The following PARN variants were observed in gnomAD, a reference collection of about 807,000 sequenced individuals.
The protein encoded by PARN is poly(A)-specific ribonuclease.
A neutral mutation model predicts 102.8 loss-of-function variants in PARN; 71 were observed. The ratio of observed to expected loss-of-function variants is 0.69; its 90% confidence interval spans 0.57 to 0.84. PARN has a LOEUF of 0.84. Among genes scored for constraint, PARN ranks in the 40% least tolerant of loss-of-function variants. The pLI, the probability that PARN is intolerant of heterozygous loss-of-function variation, is 0.00. For synonymous variants in PARN, 261 were observed against 252.9 expected (o/e 1.03, Z -0.30); for missense variants, 782 against 760.9 (o/e 1.03, Z -0.33).
At position 14,629,618 on chromosome 16, in the gene PARN, C is replaced by A; in HGVS notation, c.76G>T (p.Ala26Ser). The change falls in exon 2 of 24, where the codon GCC (alanine) becomes TCC (serine). Residue 26 changes from alanine (A) to serine (S), a missense_variant. Transcript: ENST00000437198. ...ATACCTGAAAACTCCCCATCGATGG[C>A]GAAGAAGTCGGCCTCCTCTATGGCC... ...YQAIEEADFF[A>S]IDGEFSGISD... 6.2e-7 allele frequency: 1 copy of A among 1,613,154 alleles called. No homozygotes were observed. Among genetic ancestry groups the A allele is most frequent in the African/African-American group, 1.3e-5 (1 of 75,028 alleles).
rs1353268463 is a variant in PARN at position 14,436,485 on chromosome 16, T to C, written c.*232A>G. 1.7e-6 allele frequency: 1 copy of C among 579,034 alleles called. No homozygotes were observed. The highest frequency in any genetic ancestry group is 1.9e-5 in the African/African-American group (1 of 53,474). The allele number at this position is 579,034 out of a possible 1,614,324, so 35.9% of individuals were successfully genotyped here. ...CACTGGTTAAGCACGTACACATTCA[T>C]GACAGCCTACAACCGTGATGAGTGT... On this transcript the variant is annotated 3_prime_UTR_variant, in exon 24 of 24. Coordinates refer to ENST00000437198, the MANE Select transcript of PARN (RefSeq NM_002582.4).
intron 22 of PARN, among the ~76,000 whole-genome samples, chr16:14,464,872 CA>C (rs906718594): frequency 6.6e-6 from 1 of 151,968 alleles, no homozygotes; most frequent in African/African-American, 2.4e-5. Context: ...GTCTGGGCAA[CA>C]TAGTGATACC....
At chr16:14,580,978 T>C (rs778540057) in intron 17 of PARN, 35 bp from the exon 18 acceptor site, 9 of 1,324,748 alleles carry the variant, frequency 6.8e-6, no homozygotes, top group African/African-American at 4.3e-5. Flanking sequence ...TTATTATTCA[T>C]AGTCACATAG....
In PARN at chr16:14,593,289, C is replaced by T. The variant is rs767639160; in HGVS notation, c.918+12G>A. On this transcript the variant is annotated intron_variant, in intron 13 of 23. Transcript: ENST00000437198. ...CCTGCTAATATTAAACACAGACCAA[C>T]AGGTCACTTACCGCAGGCAGAGGGC... is the stretch of plus-strand genomic sequence containing the variant. 2 of 1,447,758 alleles carry T rather than the reference C, an allele frequency of 1.4e-6. No individual in the cohort carries two copies. The highest frequency in any genetic ancestry group is 2.3e-5 in the East Asian group (1 of 44,036). The allele number at this position is 1,447,758 out of a possible 1,614,324, so 89.7% of individuals were successfully genotyped here. A position where few individuals can be genotyped will look rare whatever the true frequency, so the allele number is the denominator to read the frequency against.
Position 14,609,133 on chromosome 16 carries a change from A to T in PARN, c.555-10T>A. 7.3e-7 allele frequency: 1 copy of T among 1,374,384 alleles called. No individual in the cohort carries two copies. Among genetic ancestry groups the T allele is most frequent in the South Asian group, 1.2e-5 (1 of 81,008 alleles). 85.1% of individuals were successfully genotyped at this position (1,374,384 alleles called of 1,614,324 possible). A position where few individuals can be genotyped will look rare whatever the true frequency, so the allele number is the denominator to read the frequency against. On this transcript the variant is annotated splice_polypyrimidine_tract_variant and intron_variant, in intron 7 of 23. Transcript: ENST00000437198. ...ATCCTCTATTTTCTCTCTGAGGAAT[A>T]AGAATAGACCATAACCATCAGTACC...
In PARN at chr16:14,449,486, C is replaced by T. The variant is rs536748524; in HGVS notation, c.1671-2405G>A. On this transcript the variant is annotated intron_variant, in intron 22 of 23. Transcript: ENST00000437198. The stretch of plus-strand genomic sequence containing the variant: ...TTCTTGCCATGTCTCACAATCCAGA[C>T]ATAATAAAGGATTTATGAATGTGAC... Among the ~76,000 whole-genome samples, 3 of 152,284 alleles carry T rather than the reference C, an allele frequency of 2.0e-5. No homozygotes were observed. The South Asian group carries it at 6.2e-4, about 32-fold the overall frequency.
chr16:14,574,855 C>T (rs1248417699), intron 18 of PARN, among the ~76,000 whole-genome samples: 1 of 152,218 alleles, frequency 6.6e-6, no homozygotes, highest in African/African-American at 2.4e-5. Flanking sequence ...CCTCCCATCA[C>T]AGGCCCAGAA....
intron 5 of PARN, among the ~76,000 whole-genome samples, chr16:14,624,832 A>G (rs1972542249): frequency 6.6e-6 from 1 of 152,132 alleles, no homozygotes; most frequent in Non-Finnish European, 1.5e-5. Context: ...TGGGAGGATC[A>G]CCTGAGGTCG....
chr16:14,574,451 A>C (rs1254364589), intron 18 of PARN, among the ~76,000 whole-genome samples: 1 of 152,216 alleles, frequency 6.6e-6, no homozygotes, highest in Non-Finnish European at 1.5e-5. Flanking sequence ...ATGGTGGCTC[A>C]TGCCTGTAAT....
intron 22 of PARN, among the ~76,000 whole-genome samples, chr16:14,469,942 G>A (rs575277542): frequency 6.6e-6 from 1 of 152,182 alleles, no homozygotes; most frequent in East Asian, 1.9e-4. Flanking sequence ...TATGCTGAGG[G>A]CAATTTGTTT....
Position 14,470,835 on chromosome 16 carries a change from G to T in PARN, c.1670+11803C>A, listed in dbSNP as rs181611425. 1.1e-3 allele frequency among the ~76,000 whole-genome samples: 162 copies of T among 151,968 alleles called. 1 individual carries two copies. Among genetic ancestry groups the T allele is most frequent in the African/African-American group, 3.9e-3 (161 of 41,424 alleles). The stretch of plus-strand genomic sequence containing the variant: ...GCCCAGGGTCTTGCTCTGTTGCCAT[G>T]GCATAATCACGGCTCATCACTGCCT... On this transcript the variant is annotated intron_variant, in intron 22 of 23. Coordinates refer to ENST00000437198, the MANE Select transcript of PARN (RefSeq NM_002582.4).
intron 18 of PARN, 79 bp from the exon 19 acceptor site, chr16:14,555,788 G>T: frequency 4.9e-6 from 3 of 618,462 alleles, no homozygotes; most frequent in Non-Finnish European, 8.0e-6. Context: ...GGTTGAATTA[G>T]AAAAAAAAAA....
chr16:14,624,204 C>G (rs1389886779), intron 5 of PARN, among the ~76,000 whole-genome samples: 6 of 152,150 alleles, frequency 3.9e-5, no homozygotes, highest in Admixed American at 3.9e-4. Context: ...TAAGAGCTTT[C>G]TGAGAGAGAT....
chr16:14,486,288 G>C (rs2151602862), intron 21 of PARN, among the ~76,000 whole-genome samples: 1 of 152,240 alleles, frequency 6.6e-6, no homozygotes, highest in African/African-American at 2.4e-5. Context: ...GATTGACTGA[G>C]CCCAGGAAGT....
chr16:14,528,173 C>G (rs1966111745), intron 21 of PARN, among the ~76,000 whole-genome samples: 1 of 152,192 alleles, frequency 6.6e-6, no homozygotes. Flanking sequence ...CACCTTACAG[C>G]AAACTTCTCC....
At chr16:14,587,040 A>C (rs1288842674) in intron 13 of PARN, among the ~76,000 whole-genome samples, 1 of 152,178 alleles carries the variant, frequency 6.6e-6, no homozygotes, top group Non-Finnish European at 1.5e-5. Flanking sequence ...TACATACATA[A>C]TTGCCATGCT....
At chr16:14,620,318 A>G (rs982703409) in intron 5 of PARN, among the ~76,000 whole-genome samples, 2 of 151,362 alleles carry the variant, frequency 1.3e-5, no homozygotes. Context: ...CGGAGCTTGC[A>G]GTGAGCTGAG....
intron 21 of PARN, among the ~76,000 whole-genome samples, chr16:14,541,119 CTTTTTTT>C (rs34336313): frequency 7.9e-6 from 1 of 126,310 alleles, no homozygotes; most frequent in Non-Finnish European, 1.7e-5. Flanking sequence ...GGCGAAACAT[CTTTTTTT>C]TTTTTTTTTT....
intron 21 of PARN, among the ~76,000 whole-genome samples, chr16:14,519,666 A>G (rs1238188007): frequency 1.3e-5 from 2 of 152,174 alleles, no homozygotes; most frequent in African/African-American, 2.4e-5. Flanking sequence ...GACTGACTAA[A>G]TCATATTATA....
Sources: allele counts gnomAD v4.1 joint callset (sites outside exome capture counted in the v4.1 genomes callset), GRCh38; gene constraint gnomAD v4.1.1; transcripts MANE v1.5; gene names NCBI Gene and HGNC (gene_info 2026-07-23, HGNC 2026-07-21).